Variants in ABTB3 observed in about 807,000 individuals in gnomAD.
ABTB3 encodes the protein ankyrin repeat- and BTB/POZ domain-containing protein 3.
chr12:107,635,233 C>G, the ABTB3 span: 1 of 1,534,264 alleles, frequency 6.5e-7, no homozygotes, highest in Non-Finnish European at 9.0e-7. Context: ...CACAGCTTGA[C>G]TGAGGCTGGC....
At chr12:107,644,545 G>C in the ABTB3 span, among the ~76,000 whole-genome samples, 1 of 152,150 alleles carries the variant, frequency 6.6e-6, no homozygotes, top group South Asian at 2.1e-4. Context: ...TTAAAACACA[G>C]AGAACATTTT....
the ABTB3 span, among the ~76,000 whole-genome samples, chr12:107,411,672 G>A: frequency 6.6e-6 from 1 of 152,174 alleles, no homozygotes; most frequent in Admixed American, 6.5e-5. Flanking sequence ...CGGCCTGTGA[G>A]CCCAAGGGCC....
chr12:107,624,750 G>A, the ABTB3 span, among the ~76,000 whole-genome samples: 1 of 152,196 alleles, frequency 6.6e-6, no homozygotes, highest in Non-Finnish European at 1.5e-5. Flanking sequence ...GGACATCGGA[G>A]TTGTTTCCAG....
the ABTB3 span, among the ~76,000 whole-genome samples, chr12:107,381,795 G>A: frequency 6.6e-6 from 1 of 152,156 alleles, no homozygotes; most frequent in Non-Finnish European, 1.5e-5. Context: ...TGACTTTGCA[G>A]TTATTTAACC....
chr12:107,449,418 TCTTG>T, the ABTB3 span, among the ~76,000 whole-genome samples: 2 of 152,126 alleles, frequency 1.3e-5, no homozygotes, highest in Non-Finnish European at 2.9e-5. Flanking sequence ...AACTCTAAGC[TCTTG>T]CTTCTCCTTT....
the ABTB3 span, chr12:107,618,389 G>T: frequency 1.2e-6 from 2 of 1,604,018 alleles, no homozygotes. Flanking sequence ...GTCAGTCTGG[G>T]CACCCTCCAC....
the ABTB3 span, among the ~76,000 whole-genome samples, chr12:107,636,101 A>G: frequency 6.6e-6 from 1 of 152,150 alleles, no homozygotes; most frequent in African/African-American, 2.4e-5. Context: ...TATGGCTGCA[A>G]TATCAGTAGA....
At chr12:107,471,029 G>A in the ABTB3 span, among the ~76,000 whole-genome samples, 4,056 of 152,296 alleles carry the variant, frequency 0.027, 101 homozygotes, top group Non-Finnish European at 0.039. Context: ...TGCCAGGCAC[G>A]AAGGGGGCAT....
At chr12:107,508,283 TTGGATGGACAGACGGATGGATGGA>T in the ABTB3 span, among the ~76,000 whole-genome samples, 2 of 149,722 alleles carry the variant, frequency 1.3e-5, no homozygotes, top group Non-Finnish European at 3.0e-5. Context: ...GGACGGAAGT[TTGGATGGACAGACGGATGGATGGA>T]TGGATTTTGA....
the ABTB3 span, among the ~76,000 whole-genome samples, chr12:107,548,274 G>T: frequency 2.0e-5 from 3 of 152,166 alleles, no homozygotes; most frequent in Non-Finnish European, 2.9e-5. Context: ...GGGCCATGAT[G>T]CTTATATGGT....
the ABTB3 span, among the ~76,000 whole-genome samples, chr12:107,616,333 C>T: frequency 3.3e-5 from 5 of 152,310 alleles, no homozygotes; most frequent in South Asian, 2.1e-4. Context: ...CCCCCATGGC[C>T]GTGCCCTCAG....
chr12:107,488,403 C>T, the ABTB3 span, among the ~76,000 whole-genome samples: 2 of 152,016 alleles, frequency 1.3e-5, no homozygotes, highest in Non-Finnish European at 2.9e-5. Context: ...AAAGTGTGCC[C>T]AGATTTCTTT....
chr12:107,476,861 G>A, the ABTB3 span, among the ~76,000 whole-genome samples: 2 of 152,078 alleles, frequency 1.3e-5, no homozygotes, highest in Non-Finnish European at 2.9e-5. Context: ...ACTTGTGTGT[G>A]CATAAACACA....
the ABTB3 span, among the ~76,000 whole-genome samples, chr12:107,413,298 G>C: frequency 2.6e-5 from 4 of 152,060 alleles, no homozygotes; most frequent in African/African-American, 9.7e-5. Context: ...AAAGCGCATT[G>C]AAATTTGGGA....
chr12:107,430,091 T>C, the ABTB3 span, among the ~76,000 whole-genome samples: 1 of 152,256 alleles, frequency 6.6e-6, no homozygotes, highest in African/African-American at 2.4e-5. Context: ...ATGCTATGCA[T>C]ACTGTTTGTA....
At chr12:107,544,173 G>A in the ABTB3 span, 1 of 1,601,466 alleles carries the variant, frequency 6.2e-7, no homozygotes. Flanking sequence ...TGTGGTGGGT[G>A]GGTACTGCCT....
At chr12:107,500,690 C>T in the ABTB3 span, among the ~76,000 whole-genome samples, 1 of 152,168 alleles carries the variant, frequency 6.6e-6, no homozygotes, top group Non-Finnish European at 1.5e-5. Context: ...TGAGAATCCA[C>T]CTTTTTTTAA....
chr12:107,438,831 A>T, the ABTB3 span, among the ~76,000 whole-genome samples: 1 of 152,218 alleles, frequency 6.6e-6, no homozygotes, highest in Non-Finnish European at 1.5e-5. Flanking sequence ...AGAAGGCTAC[A>T]GCTGCTTGTC....
chr12:107,344,243 C>T, the ABTB3 span, among the ~76,000 whole-genome samples: 1 of 152,160 alleles, frequency 6.6e-6, no homozygotes, highest in Non-Finnish European at 1.5e-5. Context: ...AATAATTCTT[C>T]TTATATCTCT....
Sources: gnomAD v4.1 joint callset for allele counts (sites outside exome capture counted in the v4.1 genomes callset) on GRCh38, gnomAD v4.1.1 for gene constraint, MANE v1.5 for transcripts, NCBI Gene and HGNC (gene_info 2026-07-23, HGNC 2026-07-21) for gene names.